Variants in ZFAND6 observed in about 807,000 individuals in gnomAD.
ZFAND6 encodes AN1-type zinc finger protein 6.
In ZFAND6, 12 loss-of-function variants were observed where a neutral mutation model predicts 24.5. The ratio of observed to expected loss-of-function variants is 0.49; its 90% CI spans 0.31 to 0.79. The LOEUF (loss-of-function observed/expected upper bound fraction) is 0.79, where lower values mean the gene tolerates loss of function less well. ZFAND6 is among the 30% of genes least tolerant of loss of function. ZFAND6 has a pLI of 0.04. For missense variants in ZFAND6, 207 were observed against 245.9 expected (o/e 0.84, Z 1.06); for synonymous variants, 92 against 81.5 (o/e 1.13, Z -0.69).
rs534828310 is a variant in ZFAND6 at position 80,083,149 on chromosome 15, G to A, written c.-180-15267G>A. ...TGGGACTACAGGCACCTGCCACCAC[G>A]CCTGGCTAATTTTTGTATTTTTTAG... On this transcript the variant is annotated intron_variant, in intron 1 of 6. Transcript: ENST00000261749. 4.6e-5 allele frequency among the ~76,000 whole-genome samples: 7 copies of A among 152,010 alleles called. No homozygotes were observed. The South Asian group carries it at 6.2e-4, about 14-fold the overall frequency.
In ZFAND6 at chr15:80,099,618, C is replaced by CTT. The variant is rs3082079; in HGVS notation, c.-18+1055_-18+1056dup. On this transcript the variant is annotated intron_variant, in intron 2 of 6. Transcript: ENST00000261749. Reference sequence around the variant, plus strand: ...AGAATACACACTGAATATGGATATCCTTTTTTTTTTTTTTTTCGAGACGGA... The same window carrying CTT: ...AGAATACACACTGAATATGGATATCCTTTTTTTTTTTTTTTTTTCGAGACGGA... Among the ~76,000 whole-genome samples the CTT allele has an allele frequency of 1.2e-3, 127 of 109,180 alleles. 9 individuals carry two copies. The highest frequency in any genetic ancestry group is 2.1e-3 in the African/African-American group (62 of 30,134). 71.6% of individuals were successfully genotyped at this position (109,180 alleles called of 152,430 possible). A position where few individuals can be genotyped will look rare whatever the true frequency, so the allele number is the denominator to read the frequency against.
rs2040593737 is a variant in ZFAND6 at position 80,131,339 on chromosome 15, ATAATGC to A, written c.478+47_478+52del. On this transcript the variant is annotated intron_variant, in intron 6 of 6. Transcript: ENST00000261749. ...TTTAAAATTAAAATGATGTTTTATAATAATGCATAGCTTACTGTTGTTGACTTCAAT... is the reference window on the plus strand; with the variant it reads ...TTTAAAATTAAAATGATGTTTTATAAATAGCTTACTGTTGTTGACTTCAAT... 4 of 1,513,014 alleles carry A rather than the reference ATAATGC, an allele frequency of 2.6e-6. No homozygotes were observed. In the East Asian group the frequency reaches 9.1e-5, roughly 34 times the overall value. 93.7% of individuals were successfully genotyped at this position (1,513,014 alleles called of 1,614,324 possible).
At chr15:80,120,530 C>A (rs1303701556) in intron 3 of ZFAND6, 32 bp downstream of exon 3, 5 of 1,449,768 alleles carry the variant, frequency 3.4e-6, no homozygotes, top group South Asian at 1.5e-5. Flanking sequence ...CGTCTATATT[C>A]ATAATTGAAA....
chr15:80,066,471 C>T (rs982104373), intron 1 of ZFAND6, among the ~76,000 whole-genome samples: 4 of 152,096 alleles, frequency 2.6e-5, no homozygotes, highest in African/African-American at 7.2e-5. Flanking sequence ...CGCCACCATG[C>T]CCAGCTAATT....
chr15:80,066,620 C>G lies in ZFAND6; in HGVS notation c.-181+6811C>G, dbSNP rs1040677077. On this transcript the variant is annotated intron_variant, in intron 1 of 6. Coordinates refer to ENST00000261749, the MANE Select transcript of ZFAND6 (RefSeq NM_019006.4). ...GAGCCACCACGCCCAGCCGAAATGA[C>G]TAAGTTTTTTTGGGAAAATATTTTG... is the stretch of plus-strand genomic sequence containing the variant. Among the ~76,000 whole-genome samples the G allele has an allele frequency of 3.3e-5, 5 of 152,108 alleles. No homozygotes were observed. The East Asian group carries it at 9.7e-4, about 30-fold the overall frequency.
intron 1 of ZFAND6, among the ~76,000 whole-genome samples, chr15:80,097,361 C>A (rs1325672225): frequency 2.0e-5 from 3 of 151,954 alleles, no homozygotes; most frequent in East Asian, 1.9e-4. Flanking sequence ...AAAATTAAAT[C>A]TTTTGGCCTG....
intron 6 of ZFAND6, among the ~76,000 whole-genome samples, chr15:80,132,602 C>T (rs535162283): frequency 3.5e-4 from 53 of 152,180 alleles, no homozygotes; most frequent in African/African-American, 1.2e-3. Context: ...ACATTTTAAT[C>T]GGCACTGATC....
chr15:80,085,304 G>C (rs1037520375), intron 1 of ZFAND6, among the ~76,000 whole-genome samples: 1 of 152,178 alleles, frequency 6.6e-6, no homozygotes, highest in African/African-American at 2.4e-5. Flanking sequence ...TGAATGCTGG[G>C]ATTTGGGTCT....
chr15:80,083,331 G>A (rs571368838), intron 1 of ZFAND6, among the ~76,000 whole-genome samples: 3 of 152,288 alleles, frequency 2.0e-5, no homozygotes, highest in Non-Finnish European at 2.9e-5. Flanking sequence ...CTGTGAATTG[G>A]TGGTGGTATT....
At chr15:80,092,327 A>G (rs570827232) in intron 1 of ZFAND6, among the ~76,000 whole-genome samples, 1,511 of 105,754 alleles carry the variant, frequency 0.014, 24 homozygotes, top group African/African-American at 0.047. Context: ...TCTCTACAGG[A>G]AAAAAAAAAA....
At chr15:80,132,367 T>C (rs549370353) in intron 6 of ZFAND6, among the ~76,000 whole-genome samples, 1 of 152,348 alleles carries the variant, frequency 6.6e-6, no homozygotes, top group East Asian at 1.9e-4. Flanking sequence ...ACAAATCTAT[T>C]ATAAAAAATT....
chr15:80,124,717 A>G (rs1567095159), intron 5 of ZFAND6, among the ~76,000 whole-genome samples: 1 of 152,232 alleles, frequency 6.6e-6, no homozygotes, highest in Non-Finnish European at 1.5e-5. Flanking sequence ...TTTTTCATAC[A>G]TGATTTGAAT....
chr15:80,131,127 A>G, intron 5 of ZFAND6, 53 bp from the exon 6 acceptor site: 2 of 1,410,100 alleles, frequency 1.4e-6, no homozygotes, highest in Non-Finnish European at 1.9e-6. Flanking sequence ...GGGATGAGGA[A>G]TAGCAAAATC....
intron 2 of ZFAND6, among the ~76,000 whole-genome samples, chr15:80,114,644 G>A (rs2039781959): frequency 6.6e-6 from 1 of 152,168 alleles, no homozygotes; most frequent in African/African-American, 2.4e-5. Flanking sequence ...GGAAGCACAG[G>A]AAAGTAGGTT....
chr15:80,096,633 T>C (rs1013896901), intron 1 of ZFAND6, among the ~76,000 whole-genome samples: 2 of 152,220 alleles, frequency 1.3e-5, no homozygotes, highest in African/African-American at 2.4e-5. Flanking sequence ...ATTGGAGTGT[T>C]TGGGTGCTAT....
chr15:80,113,037 A>G (rs1596290896), intron 2 of ZFAND6, among the ~76,000 whole-genome samples: 2 of 152,208 alleles, frequency 1.3e-5, no homozygotes, highest in East Asian at 3.8e-4. Flanking sequence ...TTTGTGTAAC[A>G]CTTTGTGTTG....
intron 1 of ZFAND6, among the ~76,000 whole-genome samples, chr15:80,092,575 AAG>A (rs762719010): frequency 4.7e-4 from 72 of 152,300 alleles, no homozygotes; most frequent in East Asian, 1.5e-3. Context: ...TCTAAATGGT[AAG>A]AGAGAGGGGG....
chr15:80,120,295 C>CT (rs773869603), intron 2 of ZFAND6, 33 bp from the exon 3 acceptor site: 7 of 1,449,340 alleles, frequency 4.8e-6, no homozygotes, highest in Non-Finnish European at 6.4e-6. Flanking sequence ...AGTTACGTGT[C>CT]TGAGTTCTTT....
Position 80,118,144 on chromosome 15 carries a change from C to T in ZFAND6, c.-17-2184C>T, listed in dbSNP as rs578185938. 2.0e-5 allele frequency among the ~76,000 whole-genome samples: 3 copies of T among 152,026 alleles called. No individual in the cohort carries two copies. The South Asian group carries it at 6.2e-4, about 32-fold the overall frequency. ...TTATTTTATTTATTTATTTTTGAGA[C>T]AGAGTCTTGCTCTGTTGCCCAGGCT... On this transcript the variant is annotated intron_variant, in intron 2 of 6. Transcript: ENST00000261749.
Sources: allele counts gnomAD v4.1 joint callset (sites outside exome capture counted in the v4.1 genomes callset), GRCh38; gene constraint gnomAD v4.1.1; transcripts MANE v1.5; gene names NCBI Gene and HGNC (gene_info 2026-07-23, HGNC 2026-07-21).